Variants in PAPSS1 observed in about 807,000 individuals in gnomAD.
PAPSS1 encodes 3'-phosphoadenosine 5'-phosphosulfate synthase 1.
PAPSS1 carries 50 observed loss-of-function variants against 72.0 expected under a neutral mutation model. The observed-to-expected ratio is 0.69, with a 90% CI of 0.55 to 0.88. The LOEUF is 0.88. Ranked by LOEUF, PAPSS1 falls within the 40% of genes least tolerant of loss-of-function variation. The probability of loss-of-function intolerance (pLI) is 0.00; values close to 1 mark genes in which losing one functional copy is unlikely to be tolerated. For missense variants in PAPSS1, 657 were observed against 782.2 expected, an observed-to-expected ratio of 0.84 and a Z score of 1.91; for synonymous variants, 261 against 263.6, an observed-to-expected ratio of 0.99 and a Z score of 0.09.
chr4:107,648,708 T>C (rs1578397348), intron 9 of PAPSS1, among the ~76,000 whole-genome samples: 1 of 152,198 alleles, frequency 6.6e-6, no homozygotes, highest in East Asian at 1.9e-4. Context: ...TTTTCCTAAA[T>C]CAATATAGCA....
intron 1 of PAPSS1, among the ~76,000 whole-genome samples, chr4:107,717,889 T>C (rs1723678884): frequency 6.6e-6 from 1 of 152,194 alleles, no homozygotes. Flanking sequence ...TTAATGCAGC[T>C]ACTCCTCTAG....
intron 11 of PAPSS1, 64 bp from the exon 12 acceptor site, chr4:107,614,451 T>C: frequency 2.1e-5 from 28 of 1,326,506 alleles, no homozygotes; most frequent in Non-Finnish European, 3.0e-5. Context: ...TTAAAAAGCA[T>C]TTGTTCCTTC....
intron 9 of PAPSS1, among the ~76,000 whole-genome samples, chr4:107,646,694 C>G (rs767901179): frequency 6.6e-6 from 1 of 152,148 alleles, no homozygotes; most frequent in Non-Finnish European, 1.5e-5. Context: ...CCGCCCTCCC[C>G]GTCAAGCCCC....
chr4:107,684,030 T>C (rs1722708251), intron 4 of PAPSS1, among the ~76,000 whole-genome samples: 1 of 151,974 alleles, frequency 6.6e-6, no homozygotes, highest in Non-Finnish European at 1.5e-5. Flanking sequence ...GGGAATGTAG[T>C]CAACAACAGG....
intron 10 of PAPSS1, among the ~76,000 whole-genome samples, chr4:107,634,861 G>A (rs1056619323): frequency 1.4e-5 from 2 of 141,770 alleles, no homozygotes; most frequent in African/African-American, 5.5e-5. Context: ...GTGCAGTGAC[G>A]ATCTCGGCTC....
At chr4:107,689,990 A>G (rs1384572667) in intron 3 of PAPSS1, among the ~76,000 whole-genome samples, 1 of 152,142 alleles carries the variant, frequency 6.6e-6, no homozygotes, top group Non-Finnish European at 1.5e-5. Flanking sequence ...TCAAGCCTCA[A>G]GAGCCCTTAA....
At chr4:107,629,024 C>T (rs1163765330) in intron 11 of PAPSS1, among the ~76,000 whole-genome samples, 1 of 152,132 alleles carries the variant, frequency 6.6e-6, no homozygotes, top group African/African-American at 2.4e-5. Flanking sequence ...GGAAAATGTT[C>T]ATTATCAAAA....
intron 3 of PAPSS1, among the ~76,000 whole-genome samples, chr4:107,689,587 A>C (rs551563637): frequency 6.4e-4 from 98 of 152,150 alleles, no homozygotes; most frequent in Non-Finnish European, 1.1e-3. Context: ...ATAGCAATTA[A>C]GCTATGATCT....
intron 5 of PAPSS1, among the ~76,000 whole-genome samples, chr4:107,677,930 G>A (rs545968542): frequency 2.0e-5 from 3 of 151,994 alleles, no homozygotes; most frequent in South Asian, 2.1e-4. Context: ...GCAAACTATC[G>A]CAACGACAAA....
chr4:107,620,352 T>C (rs1365634369), intron 11 of PAPSS1, among the ~76,000 whole-genome samples: 1 of 152,204 alleles, frequency 6.6e-6, no homozygotes, highest in East Asian at 1.9e-4. Flanking sequence ...CAAAATCAGA[T>C]AAACATTTAT....
intron 11 of PAPSS1, among the ~76,000 whole-genome samples, chr4:107,621,560 C>CCTAGTT (rs1190021759): frequency 6.7e-6 from 1 of 149,876 alleles, no homozygotes; most frequent in African/African-American, 2.5e-5. Context: ...ATCAGGGCAC[C>CCTAGTT]CTAGTTAGCC....
chr4:107,683,560 A>G (rs1722689114), intron 4 of PAPSS1, among the ~76,000 whole-genome samples: 1 of 152,210 alleles, frequency 6.6e-6, no homozygotes, highest in Non-Finnish European at 1.5e-5. Flanking sequence ...CTGGGTTAGA[A>G]GAGGTGGCTT....
At chr4:107,618,460 G>A (rs1394091635) in intron 11 of PAPSS1, among the ~76,000 whole-genome samples, 2 of 151,542 alleles carry the variant, frequency 1.3e-5, no homozygotes, top group Non-Finnish European at 2.9e-5. Flanking sequence ...GAAAGGGGAG[G>A]AGGATGAGTG....
intron 5 of PAPSS1, among the ~76,000 whole-genome samples, chr4:107,668,962 T>C (rs1727392945): frequency 6.6e-6 from 1 of 152,144 alleles, no homozygotes; most frequent in Admixed American, 6.6e-5. Flanking sequence ...TCCAAACACA[T>C]ACTCTAAAGC....
At chr4:107,720,066 G>T in intron 1 of PAPSS1, 54 bp downstream of exon 1, 1 of 1,582,608 alleles carries the variant, frequency 6.3e-7, no homozygotes. Flanking sequence ...TCCGGAACGA[G>T]CTGCTCCCAC....
intron 5 of PAPSS1, among the ~76,000 whole-genome samples, chr4:107,674,995 G>C (rs897242530): frequency 5.9e-5 from 9 of 152,034 alleles, no homozygotes; most frequent in Admixed American, 2.0e-4. Flanking sequence ...CGAGAACAAA[G>C]ACACAACATA....
intron 5 of PAPSS1, among the ~76,000 whole-genome samples, chr4:107,677,275 C>T (rs945057197): frequency 1.3e-5 from 2 of 152,098 alleles, no homozygotes; most frequent in Non-Finnish European, 2.9e-5. Flanking sequence ...AAAATTTTTG[C>T]AATCTACTCA....
chr4:107,687,948 C>T (rs1402948219), intron 3 of PAPSS1, among the ~76,000 whole-genome samples: 1 of 150,458 alleles, frequency 6.6e-6, no homozygotes, highest in Non-Finnish European at 1.5e-5. Flanking sequence ...TACTTCCACT[C>T]TCACCAGATT....
intron 1 of PAPSS1, among the ~76,000 whole-genome samples, chr4:107,713,961 G>A (rs1466522540): frequency 1.3e-5 from 2 of 152,082 alleles, no homozygotes; most frequent in Non-Finnish European, 2.9e-5. Flanking sequence ...TGTGTCTTTA[G>A]GAAAAGATAT....
Sources: allele counts gnomAD v4.1 joint callset (sites outside exome capture counted in the v4.1 genomes callset), GRCh38; gene constraint gnomAD v4.1.1; transcripts MANE v1.5; gene names NCBI Gene and HGNC (gene_info 2026-07-23, HGNC 2026-07-21).